The following AGBL4 variants were observed in gnomAD, a reference collection of about 807,000 sequenced individuals.
The protein encoded by AGBL4 is cytosolic carboxypeptidase 6.
A neutral mutation model predicts 66.4 loss-of-function variants in AGBL4; 58 were observed. That is an observed-to-expected ratio of 0.87 (90% CI 0.71 to 1.09). The LOEUF is 1.09. AGBL4 is among the 50% of genes least tolerant of loss of function. AGBL4 has a pLI of 0.00. For synonymous variants in AGBL4, 234 were observed against 222.9 expected, an observed-to-expected ratio of 1.05 and a Z score of -0.44; for missense variants, 579 against 631.0, an observed-to-expected ratio of 0.92 and a Z score of 0.88.
intron 5 of AGBL4, among the ~76,000 whole-genome samples, chr1:49,029,091 T>G (rs1663987395): frequency 6.6e-6 from 1 of 152,048 alleles, no homozygotes; most frequent in South Asian, 2.1e-4. Flanking sequence ...TATAAAAAGC[T>G]CCAAAGCTAA....
intron 3 of AGBL4, among the ~76,000 whole-genome samples, chr1:49,650,982 A>C (rs1000167525): frequency 2.1e-4 from 32 of 152,168 alleles, no homozygotes; most frequent in Non-Finnish European, 1.6e-4. Context: ...CTGGGCTTGC[A>C]GACAGGGCAT....
intron 3 of AGBL4, among the ~76,000 whole-genome samples, chr1:49,332,404 A>G (rs1645353403): frequency 6.6e-6 from 1 of 152,240 alleles, no homozygotes; most frequent in Non-Finnish European, 1.5e-5. Flanking sequence ...GTGAGTTATA[A>G]CCAATTTTCA....
At chr1:49,875,188 G>C (rs1646957039) in intron 1 of AGBL4, among the ~76,000 whole-genome samples, 1 of 147,374 alleles carries the variant, frequency 6.8e-6, no homozygotes, top group Non-Finnish European at 1.5e-5. Flanking sequence ...TAAGTTTTAG[G>C]GTACATGTGC....
intron 4 of AGBL4, among the ~76,000 whole-genome samples, chr1:49,211,817 C>T (rs919186501): frequency 6.6e-6 from 1 of 151,948 alleles, no homozygotes; most frequent in Non-Finnish European, 1.5e-5. Flanking sequence ...CATTTTCTTG[C>T]TTTATCATTT....
intron 6 of AGBL4, among the ~76,000 whole-genome samples, chr1:48,803,439 T>C (rs544543630): frequency 6.6e-6 from 1 of 152,366 alleles, no homozygotes; most frequent in South Asian, 2.1e-4. Context: ...GGAGTTCTCT[T>C]TTGCATTTGT....
At chr1:48,597,463 T>TG (rs36089722) in intron 9 of AGBL4, among the ~76,000 whole-genome samples, 1 of 151,790 alleles carries the variant, frequency 6.6e-6, no homozygotes, top group East Asian at 1.9e-4. Context: ...ACACAGTGGA[T>TG]GGGGGGAAAG....
At chr1:48,610,430 G>A (rs557014844) in intron 9 of AGBL4, among the ~76,000 whole-genome samples, 184 of 152,314 alleles carry the variant, frequency 1.2e-3, no homozygotes, top group African/African-American at 4.3e-3. Flanking sequence ...GGTTGGTGGG[G>A]GGCATTGAGG....
rs113115893 is a variant in AGBL4 at position 48,915,597 on chromosome 1, A to C, written c.595-48367T>G. Among the ~76,000 whole-genome samples, 328 of 152,278 alleles carry C rather than the reference A, an allele frequency of 2.2e-3. 1 individual carries two copies. Among genetic ancestry groups the C allele is most frequent in the Non-Finnish European group, 3.5e-3 (241 of 68,016 alleles). On this transcript the variant is annotated intron_variant, in intron 5 of 13. Coordinates refer to ENST00000371839, the MANE Select transcript of AGBL4 (RefSeq NM_032785.4). ...AAACACTAAAAAACGTGGTTCTCAT[A>C]GTGTGTTCCCTTGGTCAGCGGAATC... is the stretch of plus-strand genomic sequence containing the variant.
chr1:49,797,074 T>G (rs1300792570), intron 2 of AGBL4, among the ~76,000 whole-genome samples: 1 of 152,204 alleles, frequency 6.6e-6, no homozygotes, highest in Non-Finnish European at 1.5e-5. Context: ...AAAATTAGAA[T>G]GTACTACATA....
chr1:49,535,394 T>C (rs1293585214), intron 3 of AGBL4, among the ~76,000 whole-genome samples: 2 of 148,266 alleles, frequency 1.3e-5, no homozygotes, highest in East Asian at 3.9e-4. Flanking sequence ...TAAGATAAGA[T>C]AAAAATAAAA....
intron 6 of AGBL4, among the ~76,000 whole-genome samples, chr1:48,690,646 A>G (rs1305435181): frequency 6.6e-6 from 1 of 151,948 alleles, no homozygotes; most frequent in East Asian, 1.9e-4. Context: ...CTTACGTCCT[A>G]TTTTTCCATA....
chr1:49,580,936 T>C (rs981144340), intron 3 of AGBL4, among the ~76,000 whole-genome samples: 2 of 152,230 alleles, frequency 1.3e-5, no homozygotes, highest in East Asian at 1.9e-4. Context: ...TTTTCATCTA[T>C]TAACTTGTTA....
intron 2 of AGBL4, among the ~76,000 whole-genome samples, chr1:49,725,846 A>C (rs1648988782): frequency 6.6e-6 from 1 of 152,076 alleles, no homozygotes; most frequent in African/African-American, 2.4e-5. Flanking sequence ...AGGAGTAAGA[A>C]TATATATCCT....
intron 4 of AGBL4, among the ~76,000 whole-genome samples, chr1:49,107,293 A>G (rs369284700): frequency 2.6e-5 from 4 of 152,246 alleles, no homozygotes; most frequent in African/African-American, 9.6e-5. Context: ...ATTTTGCCCA[A>G]CTGTAGGCAC....
intron 4 of AGBL4, among the ~76,000 whole-genome samples, chr1:49,062,233 C>T (rs1644415833): frequency 6.6e-6 from 1 of 152,192 alleles, no homozygotes; most frequent in Non-Finnish European, 1.5e-5. Context: ...GGGACCACTG[C>T]TCTAGAGATT....
intron 1 of AGBL4, among the ~76,000 whole-genome samples, chr1:49,852,533 A>G (rs1352847289): frequency 6.6e-6 from 1 of 152,056 alleles, no homozygotes; most frequent in African/African-American, 2.4e-5. Context: ...GGCCTAGAGA[A>G]GGGGAGAGAC....
Position 49,156,234 on chromosome 1 carries a change from C to A in AGBL4, c.377+89536G>T, listed in dbSNP as rs553694258. On this transcript the variant is annotated intron_variant, in intron 4 of 13. Transcript: ENST00000371839. ...TGATGTTAATCATCCCTAGAGTAGA[C>A]AATAGATGGGAAATTCACAATCCCC... Among the ~76,000 whole-genome samples, 11 of 152,268 alleles carry A rather than the reference C, an allele frequency of 7.2e-5. No individual in the cohort carries two copies. The South Asian group carries it at 1.5e-3, about 20-fold the overall frequency.
At chr1:49,594,530 T>C (rs1644814594) in intron 3 of AGBL4, among the ~76,000 whole-genome samples, 1 of 152,130 alleles carries the variant, frequency 6.6e-6, no homozygotes, top group Admixed American at 6.5e-5. Context: ...CATCCACCAC[T>C]GACAGTCCCT....
intron 1 of AGBL4, among the ~76,000 whole-genome samples, chr1:49,952,061 A>G (rs1656205198): frequency 1.3e-5 from 2 of 151,772 alleles, no homozygotes; most frequent in African/African-American, 4.8e-5. Flanking sequence ...GGATGATGAA[A>G]ATGTTCTGGA....
Sources: allele counts gnomAD v4.1 joint callset (sites outside exome capture counted in the v4.1 genomes callset), GRCh38; gene constraint gnomAD v4.1.1; transcripts MANE v1.5; gene names NCBI Gene and HGNC (gene_info 2026-07-23, HGNC 2026-07-21).